Variants in SHISA6 observed in about 807,000 individuals in gnomAD.
SHISA6 encodes shisa family member 6, also known as protein shisa-6.
A neutral mutation model predicts 47.9 loss-of-function variants in SHISA6; 22 were observed. That is an observed-to-expected ratio of 0.46 (90% confidence interval 0.33 to 0.66). The LOEUF (loss-of-function observed/expected upper bound fraction) is 0.66, where lower values mean the gene tolerates loss of function less well. Ranked by LOEUF, SHISA6 falls within the 30% of genes least tolerant of loss-of-function variation. The pLI is 0.02. For synonymous variants in SHISA6, 388 were observed against 337.8 expected (o/e 1.15, Z -1.63); for missense variants, 680 against 764.6 (o/e 0.89, Z 1.30).
chr17:11,426,149 G>C (rs1914605937), intron 3 of SHISA6, among the ~76,000 whole-genome samples: 1 of 152,208 alleles, frequency 6.6e-6, no homozygotes, highest in African/African-American at 2.4e-5. Context: ...AAACATGAGT[G>C]ACCCTCCAAG....
At chr17:11,259,148 G>A (rs990164503) in intron 1 of SHISA6, among the ~76,000 whole-genome samples, 3 of 152,052 alleles carry the variant, frequency 2.0e-5, no homozygotes, top group Non-Finnish European at 4.4e-5. Flanking sequence ...GGGATGGAAA[G>A]AGGGAGGGAA....
chr17:11,445,206 G>A (rs528918484), intron 3 of SHISA6, among the ~76,000 whole-genome samples: 7 of 152,158 alleles, frequency 4.6e-5, no homozygotes, highest in African/African-American at 1.4e-4. Context: ...GCTCTTTTCG[G>A]CTTCTTTTAT....
chr17:11,506,614 C>T (rs1427896330), intron 3 of SHISA6, among the ~76,000 whole-genome samples: 1 of 152,080 alleles, frequency 6.6e-6, no homozygotes, highest in Non-Finnish European at 1.5e-5. Flanking sequence ...TCAACTAGTC[C>T]CCTGGGACCA....
At chr17:11,389,268 T>G (rs1014868812) in intron 3 of SHISA6, among the ~76,000 whole-genome samples, 3 of 152,172 alleles carry the variant, frequency 2.0e-5, no homozygotes, top group Admixed American at 6.5e-5. Context: ...GGGACAATCT[T>G]CTGGACTGGT....
rs553103009 is a variant in SHISA6 at position 11,331,411 on chromosome 17, A to G, written c.800-48003A>G. Among the ~76,000 whole-genome samples the G allele has an allele frequency of 7.5e-4, 114 of 152,328 alleles. 1 individual carries two copies. The highest frequency in any genetic ancestry group is 2.5e-3 in the African/African-American group (106 of 41,572). On this transcript the variant is annotated intron_variant, in intron 2 of 5. Transcript: ENST00000441885. ...CACCACTGAATTCTGAAGTCCAATT[A>G]AATAGGATTTACAGCTATGTCTAGA...
chr17:11,511,577 C>T (rs891331451), intron 3 of SHISA6, among the ~76,000 whole-genome samples: 2 of 151,048 alleles, frequency 1.3e-5, no homozygotes, highest in African/African-American at 4.9e-5. Flanking sequence ...CCCCCACCCC[C>T]CAAAAAAATG....
chr17:11,463,163 A>G (rs1433119166), intron 3 of SHISA6, among the ~76,000 whole-genome samples: 1 of 152,204 alleles, frequency 6.6e-6, no homozygotes, highest in Non-Finnish European at 1.5e-5. Context: ...GGGACCCTCA[A>G]CAGGTCATCT....
At chr17:11,333,344 G>T (rs181082494) in intron 2 of SHISA6, among the ~76,000 whole-genome samples, 1 of 152,236 alleles carries the variant, frequency 6.6e-6, no homozygotes, top group Non-Finnish European at 1.5e-5. Context: ...CCCTTAGATA[G>T]CTCCAGCGTG....
intron 2 of SHISA6, among the ~76,000 whole-genome samples, chr17:11,319,685 T>C (rs1254894519): frequency 1.3e-5 from 2 of 152,356 alleles, no homozygotes; most frequent in South Asian, 2.1e-4. Flanking sequence ...TTTATGATTA[T>C]TCAAATTCTT....
In SHISA6 at chr17:11,277,266, TCTCTCTCTCTCTCTCACACA is replaced by T. The variant is rs1330836673; in HGVS notation, c.799+13742_799+13761del. On this transcript the variant is annotated intron_variant, in intron 2 of 5. Coordinates refer to ENST00000441885, the MANE Select transcript of SHISA6 (RefSeq NM_207386.4). The stretch of plus-strand genomic sequence containing the variant: ...TTCTCTCTCTCTCTCTCTCTCTCTC[TCTCTCTCTCTCTCTCACACA>T]CACACACACACACACACACACACAC... 2.3e-3 allele frequency among the ~76,000 whole-genome samples: 249 copies of T among 109,714 alleles called. 1 individual carries two copies. The highest frequency in any genetic ancestry group is 8.8e-3 in the African/African-American group (240 of 27,424). 72.0% of individuals were successfully genotyped at this position (109,714 alleles called of 152,430 possible).
At chr17:11,459,092 A>G (rs534292171) in intron 3 of SHISA6, among the ~76,000 whole-genome samples, 10 of 151,570 alleles carry the variant, frequency 6.6e-5, no homozygotes, top group Admixed American at 2.6e-4. Context: ...GGTGGCAGGC[A>G]CCTGTGGTCC....
At chr17:11,324,621 G>A (rs1910814384) in intron 2 of SHISA6, among the ~76,000 whole-genome samples, 1 of 152,056 alleles carries the variant, frequency 6.6e-6, no homozygotes, top group African/African-American at 2.4e-5. Flanking sequence ...GGAGAGAAGA[G>A]GCCACACCAG....
At chr17:11,282,347 G>C (rs984343053) in intron 2 of SHISA6, among the ~76,000 whole-genome samples, 1 of 151,942 alleles carries the variant, frequency 6.6e-6, no homozygotes, top group Non-Finnish European at 1.5e-5. Flanking sequence ...CTCCATAGAA[G>C]GTAGGGAAGG....
At chr17:11,333,602 C>A (rs1911210084) in intron 2 of SHISA6, among the ~76,000 whole-genome samples, 1 of 152,092 alleles carries the variant, frequency 6.6e-6, no homozygotes, top group African/African-American at 2.4e-5. Flanking sequence ...GCAATCTCCG[C>A]CTCCCGAGGT....
intron 3 of SHISA6, among the ~76,000 whole-genome samples, chr17:11,477,516 C>T (rs1164638720): frequency 6.6e-6 from 1 of 151,364 alleles, no homozygotes; most frequent in African/African-American, 2.4e-5. Flanking sequence ...TGTGCTGCAC[C>T]CACTAACTCG....
chr17:11,368,160 C>G (rs1912515361), intron 2 of SHISA6, among the ~76,000 whole-genome samples: 2 of 152,186 alleles, frequency 1.3e-5, no homozygotes, highest in South Asian at 4.1e-4. Flanking sequence ...CAAATTCTGT[C>G]TCAGAGCCAA....
At chr17:11,427,152 G>T (rs1051554647) in intron 3 of SHISA6, among the ~76,000 whole-genome samples, 5 of 151,394 alleles carry the variant, frequency 3.3e-5, no homozygotes, top group African/African-American at 1.2e-4. Flanking sequence ...TTGTTGTTTT[G>T]AGACAGAGTC....
At chr17:11,536,019 T>G (rs1363757582) in intron 3 of SHISA6, among the ~76,000 whole-genome samples, 2 of 151,840 alleles carry the variant, frequency 1.3e-5, no homozygotes, top group African/African-American at 4.8e-5. Flanking sequence ...GATAGATATA[T>G]ATAGAGAGAG....
Position 11,270,177 on chromosome 17 carries a change from TGTTG to T in SHISA6, c.799+6654_799+6657del, listed in dbSNP as rs1908585751. ...TTTTAATAGAGACAGGGTTTCACCA[TGTTG>T]GTCAGGCTAGTCTCAAACTCCTGAG... On this transcript the variant is annotated intron_variant, in intron 2 of 5. Transcript: ENST00000441885. Among the ~76,000 whole-genome samples the T allele has an allele frequency of 3.3e-5, 5 of 152,188 alleles. No individual in the cohort carries two copies. The South Asian group carries it at 1.0e-3, about 32-fold the overall frequency.
Sources: allele counts gnomAD v4.1 joint callset (sites outside exome capture counted in the v4.1 genomes callset), GRCh38; gene constraint gnomAD v4.1.1; transcripts MANE v1.5; gene names NCBI Gene and HGNC (gene_info 2026-07-23, HGNC 2026-07-21).